The following DSP variants were observed in gnomAD, a reference collection of about 807,000 sequenced individuals.
DSP encodes 250/210 kDa paraneoplastic pemphigus antigen.
Under a neutral mutation model 290.6 loss-of-function variants are expected in DSP, and 114 were observed. The ratio of observed to expected loss-of-function variants is 0.39; its 90% CI spans 0.34 to 0.46. The LOEUF (loss-of-function observed/expected upper bound fraction) is 0.46. Ranked by LOEUF, DSP falls within the 20% of genes least tolerant of loss-of-function variation. The pLI, the probability that DSP is intolerant of heterozygous loss-of-function variation, is 0.99. For synonymous variants in DSP, 1,311 were observed against 1,316.4 expected, an observed-to-expected ratio of 1.00 and a Z score of 0.09; for missense variants, 3,230 against 3,495.8, an observed-to-expected ratio of 0.92 and a Z score of 1.92.
chr6:7,572,799 C>T (rs1452952562), intron 15 of DSP, among the ~76,000 whole-genome samples: 1 of 152,064 alleles, frequency 6.6e-6, no homozygotes, highest in Non-Finnish European at 1.5e-5. Context: ...GTCATGCAAG[C>T]GCCATAGAGC....
intron 1 of DSP, among the ~76,000 whole-genome samples, chr6:7,547,558 G>A (rs1307893996): frequency 6.6e-6 from 1 of 152,018 alleles, no homozygotes; most frequent in Non-Finnish European, 1.5e-5. Flanking sequence ...CTCTCGAGTA[G>A]CTTGGGACCA....
intron 10 of DSP, among the ~76,000 whole-genome samples, chr6:7,568,191 T>C (rs1221901575): frequency 6.6e-6 from 1 of 152,248 alleles, no homozygotes; most frequent in East Asian, 1.9e-4. Flanking sequence ...CTTCAAATTT[T>C]ATCAGCATAG....
In DSP at chr6:7,564,832, G is replaced by T. The variant is rs148818699; in HGVS notation, c.778-527G>T. Among the ~76,000 whole-genome samples the T allele has an allele frequency of 3.9e-4, 59 of 152,022 alleles. 1 individual carries two copies. The East Asian group carries it at 0.01, about 26-fold the overall frequency. ...ATATCAGTAAAAAATACCAAAAAAAGACCTTATTTAGAAGAATAAAAAAAA... is the reference window on the plus strand; with the variant it reads ...ATATCAGTAAAAAATACCAAAAAAATACCTTATTTAGAAGAATAAAAAAAA... On this transcript the variant is annotated intron_variant, in intron 6 of 23. Coordinates refer to ENST00000379802, the MANE Select transcript of DSP (RefSeq NM_004415.4).
intron 1 of DSP, 106 bp from the exon 2 acceptor site, chr6:7,555,612 C>T: frequency 3.4e-6 from 3 of 876,978 alleles, no homozygotes; most frequent in Non-Finnish European, 5.6e-6. Flanking sequence ...TAAAGGGTCT[C>T]ACAGGAGTGG....
chr6:7,567,381 T>C lies in DSP; in HGVS notation c.1072T>C (p.Trp358Arg), dbSNP rs1311312971. 6.2e-7 allele frequency: 1 copy of C among 1,614,118 alleles called. No individual in the cohort carries two copies. Among genetic ancestry groups the C allele is most frequent in the South Asian group, 1.1e-5 (1 of 91,086 alleles). Residue 358 changes from tryptophan (W) to arginine (R), a missense_variant, in exon 9 of 24, where the codon TGG becomes CGG. This residue lies in a region of DSP where 646 missense variants were observed against 684.3 expected (regional missense o/e 0.94). Transcript: ENST00000379802. ...EAYMDTLQTQ[W>R]SWILQITKCI... ...CTATATGGACACTCTGCAGACGCAG[T>C]GGAGTTGGATTCTTCAGATCACCAA...
chr6:7,565,952 C>G lies in DSP; in HGVS notation c.940-425C>G. On this transcript the variant is annotated intron_variant, in intron 7 of 23. Coordinates refer to ENST00000379802, the MANE Select transcript of DSP (RefSeq NM_004415.4). This position sits in a 1 kb window ranked among gnomAD's most constrained non-coding sequence, Gnocchi z 4.2. ...GATACAAGTTTACCTGTGTAACAAA[C>G]CTGCACATGTATCCCTGAACTTAAA... 1 of 328,210 alleles carries G rather than the reference C, an allele frequency of 3.0e-6. No homozygotes were observed. Among genetic ancestry groups the G allele is most frequent in the Non-Finnish European group, 5.8e-6 (1 of 173,108 alleles). The allele number at this position is 328,210 out of a possible 1,614,324, so 20.3% of individuals were successfully genotyped here.
chr6:7,553,250 G>A (rs144057576), intron 1 of DSP, among the ~76,000 whole-genome samples: 8 of 152,110 alleles, frequency 5.3e-5, no homozygotes, highest in Admixed American at 1.3e-4. Flanking sequence ...GATTACAGGC[G>A]TGCCCCACCC....
intron 3 of DSP, among the ~76,000 whole-genome samples, chr6:7,558,996 GC>G (rs1436808270): frequency 6.6e-6 from 1 of 152,080 alleles, no homozygotes; most frequent in Non-Finnish European, 1.5e-5. Context: ...TTAGGCAAAG[GC>G]AGTGACGCTT....
Position 7,583,354 on chromosome 6 carries a change from T to C in DSP, c.6092T>C (p.Leu2031Ser), listed in dbSNP as rs756585001. The C allele has an allele frequency of 3.1e-6, 5 of 1,614,142 alleles. No individual in the cohort carries two copies. The South Asian group carries it at 5.5e-5, about 18-fold the overall frequency. The change falls in exon 24 of 24, where the codon TTG becomes TCG. Residue 2031 changes from leucine to serine, a missense_variant. This residue lies in a region of DSP where 1,714 missense variants were observed against 1,844.5 expected (regional missense o/e 0.93). Transcript: ENST00000379802. This position sits in a 1 kb window ranked among gnomAD's most constrained non-coding sequence, Gnocchi z 4.0. ...ASASPKEKYSLVEAKRKKLIS... is the reference protein window; with the variant it reads ...ASASPKEKYSSVEAKRKKLIS... ...GCTTCTCCTAAGGAAAAATACTCTT[T>C]GGTAGAGGCCAAGAGAAAGAAATTA...
At chr6:7,562,482 G>T in intron 4 of DSP, 170 bp from the exon 5 acceptor site, 1 of 1,127,962 alleles carries the variant, frequency 8.9e-7, no homozygotes, top group South Asian at 1.2e-5. Context: ...GAAGTATTTG[G>T]CAACCCTGCA....
rs758419247 is a variant in DSP, at chr6:7,541,885, C to A, written c.-31C>A. The A allele has an allele frequency of 6.3e-7, 1 of 1,596,974 alleles. No homozygotes were observed. Among genetic ancestry groups the A allele is most frequent in the Admixed American group, 1.7e-5 (1 of 58,278 alleles). ...CCGGCCCGCCTCGCTTATGCCTCGG[C>A]GCTGAGCCGCTCTCCCGATTGCCCG... On this transcript the variant is annotated 5_prime_UTR_variant, in exon 1 of 24. Coordinates refer to ENST00000379802, the MANE Select transcript of DSP (RefSeq NM_004415.4).
chr6:7,562,526 G>C, intron 4 of DSP, 126 bp from the exon 5 acceptor site: 1 of 1,539,160 alleles, frequency 6.5e-7, no homozygotes, highest in Admixed American at 1.7e-5. Flanking sequence ...AAATATTCTG[G>C]CTTCAAAAAT....
intron 20 of DSP, 148 bp from the exon 21 acceptor site, chr6:7,577,631 A>G (rs750426450): frequency 1.3e-6 from 1 of 741,244 alleles, no homozygotes. Context: ...CTAATGTAGT[A>G]TTAGTTGCTT....
chr6:7,541,947 T>A lies in DSP; in HGVS notation c.32T>A (p.Ile11Asn). 1.9e-6 allele frequency: 3 copies of A among 1,609,426 alleles called. No homozygotes were observed. The highest frequency in any genetic ancestry group is 2.5e-6 in the Non-Finnish European group (3 of 1,178,816). MSCNGGSHPR[I>N]NTLGRMIRAE... is the part of the protein sequence containing the mutation. Reference sequence around the variant, plus strand: ...TGCAACGGAGGCTCCCACCCGCGGATCAACACTCTGGGCCGCATGATCCGC... The same window carrying A: ...TGCAACGGAGGCTCCCACCCGCGGAACAACACTCTGGGCCGCATGATCCGC... Residue 11 changes from isoleucine to asparagine, a missense_variant, in exon 1 of 24, where the codon ATC becomes AAC. Coordinates refer to ENST00000379802, the MANE Select transcript of DSP (RefSeq NM_004415.4).
In DSP at chr6:7,571,832, C is replaced by A. The variant is rs1759063297; in HGVS notation, c.1904-10C>A. 6.2e-7 allele frequency: 1 copy of A among 1,611,016 alleles called. No individual in the cohort carries two copies. Among genetic ancestry groups the A allele is most frequent in the Admixed American group, 1.7e-5 (1 of 59,994 alleles). On this transcript the variant is annotated splice_polypyrimidine_tract_variant and intron_variant, in intron 14 of 23. Coordinates refer to ENST00000379802, the MANE Select transcript of DSP (RefSeq NM_004415.4). Reference sequence around the variant, plus strand: ...TCTCTGATTTTTGTGGCCCTAACTTCTTTTTACAGTGACCACAACTGAAAT... The same window carrying A: ...TCTCTGATTTTTGTGGCCCTAACTTATTTTTACAGTGACCACAACTGAAAT...
chr6:7,576,228 T>A, intron 18 of DSP, 66 bp from the exon 19 acceptor site: 1 of 1,552,360 alleles, frequency 6.4e-7, no homozygotes, highest in East Asian at 2.3e-5. Flanking sequence ...AATTTCTGGG[T>A]GATTCTATGT....
At position 7,583,063 on chromosome 6, in the gene DSP, G is replaced by A. The variant is rs1471613374; in HGVS notation, c.5801G>A (p.Arg1934Gln). 9 of 1,614,064 alleles carry A rather than the reference G, an allele frequency of 5.6e-6. No homozygotes were observed. The highest frequency in any genetic ancestry group is 1.3e-5 in the African/African-American group (1 of 75,012). ...TQSQLETERS[R>Q]YQREIDKLRQ... ...TCACAGTTAGAAACAGAACGCTCCC[G>A]ATATCAGAGGGAGATTGATAAACTC... Residue 1934 changes from arginine (R) to glutamine (Q), a missense_variant, in exon 24 of 24, where the codon CGA (arginine) becomes CAA (glutamine). Physicochemically the swap from Arg to Gln is conservative, Grantham distance 43 (BLOSUM62 1). Transcript: ENST00000379802. This position sits in a 1 kb window ranked among gnomAD's most constrained non-coding sequence, Gnocchi z 4.0.
rs1759568435 is a variant in DSP, at chr6:7,584,631, C to G, written c.7369C>G (p.Gln2457Glu). The G allele has an allele frequency of 6.2e-7, 1 of 1,614,112 alleles. No homozygotes were observed. The highest frequency in any genetic ancestry group is 8.5e-7 in the Non-Finnish European group (1 of 1,180,008). ...AAAGAAGAAACAGGTGCAGACATCA[C>G]AAAAGAATACCCTCAGGAAGCGTAG... ...KEKKKQVQTSQKNTLRKRRVV... is the reference protein window; with the variant it reads ...KEKKKQVQTSEKNTLRKRRVV... Residue 2457 changes from glutamine (Q) to glutamate (E), a missense_variant, in exon 24 of 24, where the codon CAA becomes GAA. Coordinates refer to ENST00000379802, the MANE Select transcript of DSP (RefSeq NM_004415.4). This position sits in a 1 kb window ranked among gnomAD's most constrained non-coding sequence, Gnocchi z 6.4.
chr6:7,541,723 C>T lies in DSP; in HGVS notation c.-193C>T. 1 of 658,722 alleles carries T rather than the reference C, an allele frequency of 1.5e-6. No individual in the cohort carries two copies. The highest frequency in any genetic ancestry group is 2.5e-6 in the Non-Finnish European group (1 of 406,194). The allele number at this position is 658,722 out of a possible 1,614,324, so 40.8% of individuals were successfully genotyped here. A position where few individuals can be genotyped will look rare whatever the true frequency, so the allele number is the denominator to read the frequency against. On this transcript the variant is annotated 5_prime_UTR_variant, in exon 1 of 24. Coordinates refer to ENST00000379802, the MANE Select transcript of DSP (RefSeq NM_004415.4). ...CACAGCTTTCCTCCCGCTCCTGCCC[C>T]CGGCCCGTCGCCGTCTCCGCGCTCG...
Sources: allele counts gnomAD v4.1 joint callset (sites outside exome capture counted in the v4.1 genomes callset), GRCh38; gene constraint gnomAD v4.1.1; regional missense constraint gnomAD v4.1.1; non-coding constraint Gnocchi (gnomAD v3.1); transcripts MANE v1.5; gene names NCBI Gene and HGNC (gene_info 2026-07-23, HGNC 2026-07-21).